The following B3GALNT2 variants were observed in gnomAD, a reference collection of about 807,000 sequenced individuals.
B3GALNT2 encodes the protein beta-1,3-N-acetylgalactosaminyltransferase 2, also known as UDP-GalNAc:beta-1,3-N-acetylgalactosaminyltransferase 2.
Under a neutral mutation model 61.1 loss-of-function variants are expected in B3GALNT2, and 53 were observed. The ratio of observed to expected loss-of-function variants is 0.87; its 90% CI spans 0.70 to 1.09. B3GALNT2 has a LOEUF of 1.09. Ranked by LOEUF, B3GALNT2 falls within the 50% of genes least tolerant of loss-of-function variation. The pLI is 0.00. For missense variants in B3GALNT2, 544 were observed against 623.0 expected (o/e 0.87, Z 1.35); for synonymous variants, 223 against 237.4 (o/e 0.94, Z 0.56).
chr1:235,441,862 T>G, the B3GALNT2 span: 2 of 1,614,114 alleles, frequency 1.2e-6, no homozygotes, highest in South Asian at 1.1e-5. Flanking sequence ...CAACCACTTA[T>G]GCTGAAAAAC....
At chr1:235,501,072 GTTTC>G (rs1685561049) in intron 1 of B3GALNT2, among the ~76,000 whole-genome samples, 1 of 152,106 alleles carries the variant, frequency 6.6e-6, no homozygotes, top group Non-Finnish European at 1.5e-5. Context: ...CTTTGTTTTG[GTTTC>G]TTTCTTTCCA....
intron 2 of B3GALNT2, among the ~76,000 whole-genome samples, chr1:235,493,873 T>C (rs1352855502): frequency 6.6e-6 from 1 of 152,188 alleles, no homozygotes; most frequent in African/African-American, 2.4e-5. Flanking sequence ...TCTCTGCTTA[T>C]CACCTGAGTC....
chr1:235,456,577 TGAAATAATGAGGAA>T (rs1431744950), intron 8 of B3GALNT2, among the ~76,000 whole-genome samples: 39 of 152,282 alleles, frequency 2.6e-4, no homozygotes, highest in African/African-American at 9.4e-4. Flanking sequence ...CACTGATAAC[TGAAATAATGAGGAA>T]GAAATAATGA....
chr1:235,447,657 G>A lies in B3GALNT2; in HGVS notation c.*2549C>T, dbSNP rs150091674. On this transcript the variant is annotated 3_prime_UTR_variant, in exon 12 of 12. Coordinates refer to ENST00000366600, the MANE Select transcript of B3GALNT2 (RefSeq NM_152490.5). ...ATACCTGAGTCCCATTCCAGTGTTC[G>A]TTCAGTAATTCATAAGGAAGTCATC... 6.6e-6 allele frequency among the ~76,000 whole-genome samples: 1 copy of A among 152,106 alleles called. No homozygotes were observed. The highest frequency in any genetic ancestry group is 2.1e-4 in the South Asian group (1 of 4,822).
At chr1:235,446,260 C>T (rs1420995310), downstream of B3GALNT2, among the ~76,000 whole-genome samples, 7 of 152,092 alleles carry the variant, frequency 4.6e-5, no homozygotes, top group Non-Finnish European at 1.0e-4. Flanking sequence ...ACTGCAAACT[C>T]TGCCTTCCGG....
chr1:235,464,213 C>T (rs1053601620), intron 7 of B3GALNT2: 10 of 152,156 alleles, frequency 6.6e-5, no homozygotes, highest in African/African-American at 2.4e-4. Context: ...AAACATGTGA[C>T]AAAATTGGAC....
At position 235,454,262 on chromosome 1, in the gene B3GALNT2, T is replaced by C; in HGVS notation, c.1205A>G (p.Tyr402Cys). 1 of 1,613,218 alleles carries C rather than the reference T, an allele frequency of 6.2e-7. No homozygotes were observed. Among genetic ancestry groups the C allele is most frequent in the Non-Finnish European group, 8.5e-7 (1 of 1,179,246 alleles). The change falls in exon 10 of 12, where the codon TAC becomes TGC. Residue 402 changes from tyrosine to cysteine, a missense_variant. Transcript: ENST00000366600. ...AAAGGCAGGGTAAGCGGGGCTCGGG[T>C]ACTCCAACTCCTGCCACTTTCCGGT... ...DRTGKWQELE[Y>C]PSPAYPAFAC...
chr1:235,503,828 G>A (rs557413513), intron 1 of B3GALNT2, among the ~76,000 whole-genome samples: 28 of 152,314 alleles, frequency 1.8e-4, no homozygotes, highest in Admixed American at 8.5e-4. Flanking sequence ...CCGCTCCCGG[G>A]CGAACGGGCG....
Position 235,448,179 on chromosome 1 carries a change from G to A in B3GALNT2, c.*2027C>T, listed in dbSNP as rs200439679. Among the ~76,000 whole-genome samples the A allele has an allele frequency of 4.5e-5, 6 of 134,336 alleles. No individual in the cohort carries two copies. The highest frequency in any genetic ancestry group is 1.5e-4 in the African/African-American group (5 of 33,656). The allele number at this position is 134,336 out of a possible 152,430, so 88.1% of individuals were successfully genotyped here. On this transcript the variant is annotated 3_prime_UTR_variant, in exon 12 of 12. Coordinates refer to ENST00000366600, the MANE Select transcript of B3GALNT2 (RefSeq NM_152490.5). Reference sequence around the variant, plus strand: ...TACACCATTGCACTCCAGCCTGGGCGACAGAGCAAGACTTACTTAAGTAAG... The same window carrying A: ...TACACCATTGCACTCCAGCCTGGGCAACAGAGCAAGACTTACTTAAGTAAG...
chr1:235,472,791 T>C (rs1021723950), intron 5 of B3GALNT2, among the ~76,000 whole-genome samples: 1 of 152,182 alleles, frequency 6.6e-6, no homozygotes, highest in Non-Finnish European at 1.5e-5. Context: ...TTTACAATAA[T>C]GTCTCATTTT....
chr1:235,450,315 G>GTCTT lies in B3GALNT2; in HGVS notation c.1390_1393dup (p.Thr465LysfsTer4). The GTCTT allele has an allele frequency of 6.2e-7, 1 of 1,613,994 alleles. No homozygotes were observed. The highest frequency in any genetic ancestry group is 8.5e-7 in the Non-Finnish European group (1 of 1,179,890). On this transcript the variant is annotated frameshift_variant, in exon 12 of 12. Transcript: ENST00000366600. LOFTEE classifies it high-confidence loss of function. ...AGAAGACAGCATTCCTGTCTCACAG[G>GTCTT]TCTTCTCACACAGCCACAGACTGTC...
chr1:235,452,966 CA>C (rs1269080091), intron 11 of B3GALNT2, 123 bp downstream of exon 11: 5 of 869,044 alleles, frequency 5.8e-6, no homozygotes, highest in South Asian at 1.8e-5. Context: ...TTCTAAAATC[CA>C]AAAAAATCTG....
In B3GALNT2 at chr1:235,450,166, TGCC is replaced by T; in HGVS notation, c.*37_*39del. On this transcript the variant is annotated 3_prime_UTR_variant, in exon 12 of 12. Transcript: ENST00000366600. ...TCAGACTTGCACTCAGATTATCGTT[TGCC>T]TGCCCTGATTTTAGACTCTGCTAAT... 6.2e-7 allele frequency: 1 copy of T among 1,611,720 alleles called. No individual in the cohort carries two copies. The highest frequency in any genetic ancestry group is 2.2e-5 in the East Asian group (1 of 44,854).
At chr1:235,455,733 C>T (rs907067176) in intron 8 of B3GALNT2, 49 bp from the exon 9 acceptor site, 2 of 1,555,174 alleles carry the variant, frequency 1.3e-6, no homozygotes, top group East Asian at 2.2e-5. Context: ...AACAAACAAA[C>T]ACCAATGCAG....
chr1:235,447,871 C>G lies in B3GALNT2; in HGVS notation c.*2335G>C, dbSNP rs1252481443. ...CCCCAAATGAACAGGTGGTACAAGA[C>G]TCAGGCTTTCCCCTAATTACTTACT... On this transcript the variant is annotated 3_prime_UTR_variant, in exon 12 of 12. Transcript: ENST00000366600. 6.6e-6 allele frequency among the ~76,000 whole-genome samples: 1 copy of G among 151,946 alleles called. No individual in the cohort carries two copies. The highest frequency in any genetic ancestry group is 2.4e-5 in the African/African-American group (1 of 41,236).
Position 235,450,242 on chromosome 1 carries a change from T to C in B3GALNT2, c.1467A>G (p.Glu489=). The change falls in exon 12 of 12, where the codon GAA becomes GAG. Residue 489 remains glutamate, a synonymous_variant. Coordinates refer to ENST00000366600, the MANE Select transcript of B3GALNT2 (RefSeq NM_152490.5). ...WELTELWKLK[E]RCGDPCRCQA... ...GACATCGACAAGGATCACCGCACCGTTCCTTCAGTTTCCACAGTTCCGTCA... is the reference window on the plus strand; with the variant it reads ...GACATCGACAAGGATCACCGCACCGCTCCTTCAGTTTCCACAGTTCCGTCA... The C allele has an allele frequency of 1.9e-6, 3 of 1,614,144 alleles. No individual in the cohort carries two copies. Among genetic ancestry groups the C allele is most frequent in the Non-Finnish European group, 2.5e-6 (3 of 1,180,010 alleles).
Position 235,494,684 on chromosome 1 carries a change from T to C in B3GALNT2, c.257A>G (p.Gln86Arg). Residue 86 changes from glutamine (Q) to arginine (R), a missense_variant, in exon 2 of 12, where the codon CAA (glutamine) becomes CGA (arginine). Coordinates refer to ENST00000366600, the MANE Select transcript of B3GALNT2 (RefSeq NM_152490.5). Reference sequence around the variant, plus strand: ...GGCAACAACTCAGAAAACCTACCGTTGACTTAATGTGGGATGCTGTAGCAA... The same window carrying C: ...GGCAACAACTCAGAAAACCTACCGTCGACTTAATGTGGGATGCTGTAGCAA... ...RHLLQHPTLS[Q>R]RVLVKFIIGA... is the part of the protein sequence containing the mutation. The C allele has an allele frequency of 6.2e-7, 1 of 1,610,950 alleles. No homozygotes were observed. The highest frequency in any genetic ancestry group is 8.5e-7 in the Non-Finnish European group (1 of 1,178,332).
In B3GALNT2 at chr1:235,500,645, G is replaced by A. The variant is rs1338305955; in HGVS notation, c.112+3496C>T. 2.6e-5 allele frequency among the ~76,000 whole-genome samples: 4 copies of A among 152,186 alleles called. No individual in the cohort carries two copies. In the East Asian group the frequency reaches 7.7e-4, roughly 29 times the overall value. ...GAAAATGAAGAAAACATGTGAGCCT[G>A]TCACAGATCTAATGATAAAGACAAT... is the stretch of plus-strand genomic sequence containing the variant. On this transcript the variant is annotated intron_variant, in intron 1 of 11. Transcript: ENST00000366600.
chr1:235,486,703 ACTT>A (rs1414443648), intron 3 of B3GALNT2, among the ~76,000 whole-genome samples: 2 of 152,228 alleles, frequency 1.3e-5, no homozygotes, highest in Non-Finnish European at 1.5e-5. Flanking sequence ...ATAAAGTTCT[ACTT>A]CTTTACTTTT....
Sources: allele counts gnomAD v4.1 joint callset (sites outside exome capture counted in the v4.1 genomes callset), GRCh38; gene constraint gnomAD v4.1.1; transcripts MANE v1.5; gene names NCBI Gene and HGNC (gene_info 2026-07-23, HGNC 2026-07-21).